DOT1L: variants seen among roughly 807,000 people sequenced by gnomAD.
DOT1L encodes the protein DOT1 like histone lysine methyltransferase.
DOT1L carries 33 observed loss-of-function variants against 153.3 expected under a neutral mutation model. The ratio of observed to expected loss-of-function variants is 0.22; its 90% confidence interval spans 0.16 to 0.29. DOT1L has a LOEUF of 0.29. Ranked by LOEUF, DOT1L falls within the 10% of genes least tolerant of loss-of-function variation. The pLI is 1.00. For synonymous variants in DOT1L, 1,135 were observed against 965.1 expected, an observed-to-expected ratio of 1.18 and a Z score of -3.26; for missense variants, 1,847 against 2,119.9, an observed-to-expected ratio of 0.87 and a Z score of 2.53.
Position 2,199,630 on chromosome 19 carries a change from C to A in DOT1L, c.652-254C>A, listed in dbSNP as rs1215750020. Among the ~76,000 whole-genome samples, 4 of 152,182 alleles carry A rather than the reference C, an allele frequency of 2.6e-5. 1 individual carries two copies. The highest frequency in any genetic ancestry group is 5.9e-5 in the Non-Finnish European group (4 of 68,014). On this transcript the variant is annotated intron_variant, in intron 7 of 27. Transcript: ENST00000398665. ...CCGCAGTCCCCTTGGCTGGGCCTGG[C>A]CTCCCCAAGCGGATGCTGGAGCACG...
intron 3 of DOT1L, 112 bp from the exon 4 acceptor site, chr19:2,189,620 C>G (rs1408625459): frequency 8.4e-7 from 1 of 1,194,356 alleles, no homozygotes; most frequent in Non-Finnish European, 1.2e-6. Context: ...TGGCTGGTGG[C>G]TGTCCAGGCA....
Position 2,208,843 on chromosome 19 carries a change from T to C in DOT1L, c.964-92T>C. On this transcript the variant is annotated intron_variant, in intron 11 of 27. Transcript: ENST00000398665. This position sits in a 1 kb window ranked among gnomAD's most constrained non-coding sequence, Gnocchi z 4.4. ...ATACCAGAACAGCCTCCCCAGCCAC[T>C]GTCCAGGTTGCTGTTGTTACCTGGG... 2 of 1,317,442 alleles carry C rather than the reference T, an allele frequency of 1.5e-6. No individual in the cohort carries two copies. Among genetic ancestry groups the C allele is most frequent in the South Asian group, 1.3e-5 (1 of 75,602 alleles). 81.6% of individuals were successfully genotyped at this position (1,317,442 alleles called of 1,614,324 possible).
At chr19:2,209,403 G>A (rs1386667191) in intron 12 of DOT1L, among the ~76,000 whole-genome samples, 1 of 152,224 alleles carries the variant, frequency 6.6e-6, no homozygotes, top group African/African-American at 2.4e-5. Flanking sequence ...TTGGTGGTGG[G>A]GTGAGTTGCA....
At chr19:2,176,145 T>C (rs942904927) in intron 1 of DOT1L, among the ~76,000 whole-genome samples, 4 of 152,086 alleles carry the variant, frequency 2.6e-5, no homozygotes, top group Admixed American at 2.0e-4. Context: ...CCACCCACCA[T>C]GAGAGGGAAT....
chr19:2,194,670 C>CATGGCTGTTGGCAT, intron 7 of DOT1L, 93 bp downstream of exon 7: 1 of 1,485,466 alleles, frequency 6.7e-7, no homozygotes, highest in Non-Finnish European at 9.2e-7. Flanking sequence ...GATGTTGGCA[C>CATGGCTGTTGGCAT]ATGGCTGTTG....
In DOT1L at chr19:2,217,012, C is replaced by T. The variant is rs1462970351; in HGVS notation, c.2466C>T (p.Ser822=). 3.1e-6 allele frequency: 5 copies of T among 1,613,156 alleles called. No homozygotes were observed. The highest frequency in any genetic ancestry group is 1.7e-5 in the Admixed American group (1 of 60,018). The change falls in exon 21 of 28, where the codon AGC becomes AGT. Residue 822 remains serine, a synonymous_variant. Coordinates refer to ENST00000398665, the MANE Select transcript of DOT1L (RefSeq NM_032482.3). This position sits in a 1 kb window ranked among gnomAD's most constrained non-coding sequence, Gnocchi z 7.3. ...ACCAGAGCCCCAGCGTGCCTGGCAG[C>T]ATGAAGCTGAGCCCTCAGGACCCGC... is the stretch of plus-strand genomic sequence containing the variant. ...LPYQSPSVPG[S]MKLSPQDPRP...
At chr19:2,172,476 A>G (rs909798829) in intron 1 of DOT1L, among the ~76,000 whole-genome samples, 4 of 149,246 alleles carry the variant, frequency 2.7e-5, no homozygotes, top group Non-Finnish European at 5.9e-5. Context: ...GGTGTGAGCC[A>G]CCGTGCCCGG....
intron 3 of DOT1L, among the ~76,000 whole-genome samples, chr19:2,187,098 T>C (rs75792777): frequency 0.055 from 8,417 of 152,246 alleles, 322 homozygotes; most frequent in East Asian, 0.14. Context: ...TCTAAGCTTC[T>C]TACCGCAGCT....
At chr19:2,213,506 G>T (rs1402871297) in intron 16 of DOT1L, 33 bp from the exon 17 acceptor site, 1 of 1,607,850 alleles carries the variant, frequency 6.2e-7, no homozygotes, top group Admixed American at 1.7e-5. Context: ...CACCTGCCCT[G>T]GCCCTTAGTC....
At chr19:2,169,021 C>CG (rs890908916) in intron 1 of DOT1L, among the ~76,000 whole-genome samples, 5 of 152,168 alleles carry the variant, frequency 3.3e-5, no homozygotes, top group African/African-American at 1.2e-4. Context: ...GGCCACAGAA[C>CG]GGGACCTTCC....
Position 2,230,749 on chromosome 19 carries a change from A to T in DOT1L, c.*957A>T. On this transcript the variant is annotated 3_prime_UTR_variant, in exon 28 of 28. Coordinates refer to ENST00000398665, the MANE Select transcript of DOT1L (RefSeq NM_032482.3). Reference sequence around the variant, plus strand: ...GTGAAGAGGAAAGAAAAGCGAGGGGAAAAAACCTTATTTATTCAAACAGTG... The same window carrying T: ...GTGAAGAGGAAAGAAAAGCGAGGGGTAAAAACCTTATTTATTCAAACAGTG... 2.5e-6 allele frequency: 1 copy of T among 397,386 alleles called. No homozygotes were observed. The highest frequency in any genetic ancestry group is 4.4e-6 in the Non-Finnish European group (1 of 225,828). 24.6% of individuals were successfully genotyped at this position (397,386 alleles called of 1,614,324 possible).
intron 27 of DOT1L, chr19:2,228,833 G>A (rs922507161): frequency 3.5e-4 from 343 of 985,434 alleles, no homozygotes; most frequent in Middle Eastern, 1.6e-3. Flanking sequence ...GGCTGCAGAG[G>A]TCCTGGAGAG....
chr19:2,186,905 C>T (rs190288949), intron 3 of DOT1L, among the ~76,000 whole-genome samples: 6 of 152,326 alleles, frequency 3.9e-5, no homozygotes, highest in East Asian at 1.9e-4. Flanking sequence ...TGTGATGCAG[C>T]GTGCAGATCA....
In DOT1L at chr19:2,193,879, G is replaced by A; in HGVS notation, c.588+96G>A. On this transcript the variant is annotated intron_variant, in intron 6 of 27. Coordinates refer to ENST00000398665, the MANE Select transcript of DOT1L (RefSeq NM_032482.3). The surrounding 1 kb of genome is among the most constrained non-coding windows in gnomAD (Gnocchi z 5.9). The stretch of plus-strand genomic sequence containing the variant: ...TGCACCCCACTGCTGTGGGACTTCC[G>A]AGTCTGGGTGGCGTTCTTTCCAGGC... 3 of 1,301,586 alleles carry A rather than the reference G, an allele frequency of 2.3e-6. No homozygotes were observed. The highest frequency in any genetic ancestry group is 3.2e-6 in the Non-Finnish European group (3 of 937,240). 80.6% of individuals were successfully genotyped at this position (1,301,586 alleles called of 1,614,324 possible).
At position 2,210,974 on chromosome 19, in the gene DOT1L, G is replaced by A; in HGVS notation, c.1351+119G>A. ...TTCAGGGTGTCCCTGGAGCCTCCCT[G>A]TTGTGGCTGTGCCTTCAGGGTGGCC... On this transcript the variant is annotated intron_variant, in intron 14 of 27. Transcript: ENST00000398665. The A allele has an allele frequency of 2.7e-6, 4 of 1,463,252 alleles. No homozygotes were observed. The Middle Eastern group carries it at 5.5e-4, about 202-fold the overall frequency. The allele number at this position is 1,463,252 out of a possible 1,614,324, so 90.6% of individuals were successfully genotyped here.
intron 2 of DOT1L, among the ~76,000 whole-genome samples, chr19:2,181,198 A>G (rs913848006): frequency 1.3e-5 from 2 of 152,212 alleles, no homozygotes; most frequent in African/African-American, 4.8e-5. Context: ...CTGCAGCAAC[A>G]GTGCAGGGAG....
At chr19:2,203,556 G>T (rs535828494) in intron 9 of DOT1L, among the ~76,000 whole-genome samples, 2 of 152,326 alleles carry the variant, frequency 1.3e-5, no homozygotes, top group Non-Finnish European at 1.5e-5. Context: ...TCCCTCCGGA[G>T]AAAGGTCACC....
At chr19:2,229,540 T>C in intron 27 of DOT1L, 1 of 985,408 alleles carries the variant, frequency 1.0e-6, no homozygotes, top group Non-Finnish European at 1.2e-6. Flanking sequence ...GACTCGGCTG[T>C]GTGTCTCCTT....
Position 2,214,455 on chromosome 19 carries a change from A to G in DOT1L, c.1798-16A>G. 1 of 1,612,090 alleles carries G rather than the reference A, an allele frequency of 6.2e-7. No homozygotes were observed. The highest frequency in any genetic ancestry group is 1.7e-5 in the Admixed American group (1 of 59,970). On this transcript the variant is annotated splice_polypyrimidine_tract_variant and intron_variant, in intron 18 of 27. Transcript: ENST00000398665. Reference sequence around the variant, plus strand: ...GCAGCCAGCCAGTCGCAACTGTCCCATCCCTATCCCCTCAGCTCAAGGCTC... The same window carrying G: ...GCAGCCAGCCAGTCGCAACTGTCCCGTCCCTATCCCCTCAGCTCAAGGCTC...
Sources: allele counts gnomAD v4.1 joint callset (sites outside exome capture counted in the v4.1 genomes callset), GRCh38; gene constraint gnomAD v4.1.1; non-coding constraint Gnocchi (gnomAD v3.1); transcripts MANE v1.5; gene names NCBI Gene and HGNC (gene_info 2026-07-23, HGNC 2026-07-21).